The following DNAH10 variants were observed in gnomAD, a reference collection of about 807,000 sequenced individuals.
The protein encoded by DNAH10 is axonemal beta dynein heavy chain 10.
Under a neutral mutation model 506.6 loss-of-function variants are expected in DNAH10, and 348 were observed. The ratio of observed to expected loss-of-function variants is 0.69; its 90% CI spans 0.63 to 0.75. The LOEUF is 0.75. Among genes scored for constraint, DNAH10 ranks in the 30% least tolerant of loss-of-function variants. The pLI, the probability that DNAH10 is intolerant of heterozygous loss-of-function variation, is 0.00. For synonymous variants in DNAH10, 2,059 were observed against 2,198.6 expected (o/e 0.94, Z 1.78); for missense variants, 5,179 against 5,787.1 (o/e 0.89, Z 3.41).
intron 5 of DNAH10, 76 bp downstream of exon 5, chr12:123,774,340 T>A: frequency 1.8e-6 from 2 of 1,130,120 alleles, no homozygotes; most frequent in South Asian, 1.5e-5. Flanking sequence ...CACAAATAGG[T>A]AGCGGGCAGC....
intron 25 of DNAH10, among the ~76,000 whole-genome samples, chr12:123,829,136 A>G (rs1960273641): frequency 6.6e-6 from 1 of 152,166 alleles, no homozygotes; most frequent in African/African-American, 2.4e-5. Flanking sequence ...TCCTGAAGAT[A>G]AGGCTTAGGG....
chr12:123,931,555 T>C, intron 74 of DNAH10, 81 bp from the exon 75 acceptor site: 1 of 1,606,138 alleles, frequency 6.2e-7, no homozygotes, highest in Non-Finnish European at 8.5e-7. Flanking sequence ...TGCTGATGCC[T>C]TTCCCAGAAC....
intron 30 of DNAH10, among the ~76,000 whole-genome samples, chr12:123,843,464 C>T (rs1950841045): frequency 1.3e-5 from 2 of 152,196 alleles, no homozygotes; most frequent in Admixed American, 1.3e-4. Context: ...TGTCTCTCTC[C>T]TGATGTGTAG....
At chr12:123,772,042 G>T (rs542426280) in intron 3 of DNAH10, among the ~76,000 whole-genome samples, 1 of 152,308 alleles carries the variant, frequency 6.6e-6, no homozygotes, top group East Asian at 1.9e-4. Context: ...AATTCTCCTG[G>T]TAGCTATGAG....
At chr12:123,788,289 CCCTTCCTCTG>C (rs2136208115) in intron 10 of DNAH10, among the ~76,000 whole-genome samples, 1 of 152,298 alleles carries the variant, frequency 6.6e-6, no homozygotes, top group African/African-American at 2.4e-5. Flanking sequence ...TTGCAAAGCT[CCCTTCCTCTG>C]CCTTCCCCTT....
chr12:123,793,249 A>G (rs1958148899), intron 11 of DNAH10, among the ~76,000 whole-genome samples: 1 of 151,832 alleles, frequency 6.6e-6, no homozygotes, highest in African/African-American at 2.4e-5. Context: ...CCAAATGCTA[A>G]GCCTTCTGGA....
In DNAH10 at chr12:123,917,691, A is replaced by G. The variant is rs762537454; in HGVS notation, c.11110A>G (p.Lys3704Glu). 9.0e-6 allele frequency: 14 copies of G among 1,555,702 alleles called. No individual in the cohort carries two copies. In the Middle Eastern group the frequency reaches 5.0e-4, roughly 56 times the overall value. The change falls in exon 64 of 79, where the codon AAG becomes GAG. Residue 3704 changes from lysine (K) to glutamate (E), a missense_variant. Lys to Glu is a moderately conservative substitution (Grantham distance 56, BLOSUM62 1). Coordinates refer to ENST00000673944, the MANE Select transcript of DNAH10 (RefSeq NM_001372106.1). This position sits in a 1 kb window ranked among gnomAD's most constrained non-coding sequence, Gnocchi z 5.6. ...EHLIQETSEN[K>E]NLLKDLEDSL... ...CCTCATCCAGGAGACCAGCGAGAAC[A>G]AGAACCTGCTCAAGGACCTGGAAGA...
At chr12:123,781,938 A>AT (rs1395544983) in intron 6 of DNAH10, among the ~76,000 whole-genome samples, 1 of 151,530 alleles carries the variant, frequency 6.6e-6, no homozygotes, top group Non-Finnish European at 1.5e-5. Context: ...TTTGTGTGGA[A>AT]TTTTTTCCAT....
At chr12:123,782,342 T>TCCCCTCCCCC (rs1957689068) in intron 6 of DNAH10, among the ~76,000 whole-genome samples, 1 of 36,416 alleles carries the variant, frequency 2.7e-5, no homozygotes, top group African/African-American at 1.1e-4. Context: ...TCCCCTCCCC[T>TCCCCTCCCCC]CCCCTCCCCT....
At chr12:123,847,307 T>TC (rs2136678166) in intron 32 of DNAH10, among the ~76,000 whole-genome samples, 1 of 146,240 alleles carries the variant, frequency 6.8e-6, no homozygotes, top group East Asian at 1.9e-4. Context: ...GATCATCTAT[T>TC]TTATCTATCT....
intron 1 of DNAH10, 109 bp from the exon 2 acceptor site, chr12:123,767,497 T>C (rs1318518140): frequency 3.0e-6 from 3 of 1,007,494 alleles, no homozygotes; most frequent in Non-Finnish European, 4.4e-6. Flanking sequence ...ACGAGTCTCC[T>C]GTGGGCCACA....
intron 16 of DNAH10, among the ~76,000 whole-genome samples, chr12:123,802,245 G>A (rs766173404): frequency 6.6e-6 from 1 of 152,172 alleles, no homozygotes; most frequent in Non-Finnish European, 1.5e-5. Flanking sequence ...CTTTTTCTGG[G>A]ATAAATGCCC....
Position 123,846,500 on chromosome 12 carries a change from C to T in DNAH10, c.5814+346C>T, listed in dbSNP as rs113119368. Among the ~76,000 whole-genome samples the T allele has an allele frequency of 0.051, 7,719 of 152,120 alleles. 643 individuals are homozygous for T. The highest frequency in any genetic ancestry group is 0.18 in the African/African-American group (7,311 of 41,444). ...GACAGCTTTTATTCCAGAATATATCCGTTCAAGTGAACGGCCTTGGATGAT... is the reference window on the plus strand; with the variant it reads ...GACAGCTTTTATTCCAGAATATATCTGTTCAAGTGAACGGCCTTGGATGAT... On this transcript the variant is annotated intron_variant, in intron 32 of 78. Coordinates refer to ENST00000673944, the MANE Select transcript of DNAH10 (RefSeq NM_001372106.1). This position sits in a 1 kb window ranked among gnomAD's most constrained non-coding sequence, Gnocchi z 4.5.
chr12:123,841,594 T>C (rs1385768964), intron 30 of DNAH10, 49 bp downstream of exon 30: 1 of 1,542,972 alleles, frequency 6.5e-7, no homozygotes, highest in Non-Finnish European at 8.9e-7. Context: ...TTCATAGTCA[T>C]AATGGATTAA....
At chr12:123,832,968 A>G (rs752611659) in intron 26 of DNAH10, 146 bp from the exon 27 acceptor site, 9 of 636,240 alleles carry the variant, frequency 1.4e-5, no homozygotes, top group South Asian at 7.8e-5. Context: ...AATTATTACC[A>G]TGACAGAATC....
At chr12:123,934,952 ATGTG>A (rs1955421632) in intron 78 of DNAH10, 186 bp downstream of exon 78, 1 of 756,496 alleles carries the variant, frequency 1.3e-6, no homozygotes, top group African/African-American at 1.8e-5. Flanking sequence ...GCGCGGCTGT[ATGTG>A]TGTGTGGATG....
At position 123,914,319 on chromosome 12, in the gene DNAH10, C is replaced by T. The variant is rs1171277938; in HGVS notation, c.10353-10C>T. ...AAACTCACGGCAGCCTCCCTCTCCT[C>T]CCGTGCCAGGTGGCTGAACGACCTG... On this transcript the variant is annotated splice_polypyrimidine_tract_variant and intron_variant, in intron 60 of 78. Transcript: ENST00000673944. The T allele has an allele frequency of 3.7e-6, 6 of 1,608,968 alleles. No individual in the cohort carries two copies. The Admixed American group carries it at 1.0e-4, about 27-fold the overall frequency.
chr12:123,914,304 C>T (rs1481305305), intron 60 of DNAH10, 25 bp from the exon 61 acceptor site: 6 of 1,599,316 alleles, frequency 3.8e-6, no homozygotes, highest in Non-Finnish European at 5.1e-6. Flanking sequence ...AAACTCACGG[C>T]AGCCTCCCTC....
At position 123,928,663 on chromosome 12, in the gene DNAH10, G is replaced by C; in HGVS notation, c.12306+76G>C. On this transcript the variant is annotated intron_variant, in intron 70 of 78. Coordinates refer to ENST00000673944, the MANE Select transcript of DNAH10 (RefSeq NM_001372106.1). This position sits in a 1 kb window ranked among gnomAD's most constrained non-coding sequence, Gnocchi z 4.9. ...ACCTGCATGCTGCTCTGGGGCCGGG[G>C]TGTGCCTTTGTCTGTGTAGAAATAA... 1 of 1,472,146 alleles carries C rather than the reference G, an allele frequency of 6.8e-7. No individual in the cohort carries two copies. The highest frequency in any genetic ancestry group is 9.1e-7 in the Non-Finnish European group (1 of 1,094,986). 91.2% of individuals were successfully genotyped at this position (1,472,146 alleles called of 1,614,324 possible). A position where few individuals can be genotyped will look rare whatever the true frequency, so the allele number is the denominator to read the frequency against.
Sources: gnomAD v4.1 joint callset for allele counts (sites outside exome capture counted in the v4.1 genomes callset) on GRCh38, gnomAD v4.1.1 for gene constraint, Gnocchi (gnomAD v3.1) non-coding constraint, MANE v1.5 for transcripts, NCBI Gene and HGNC (gene_info 2026-07-23, HGNC 2026-07-21) for gene names.